The following NEGR1 variants were observed in gnomAD, a reference collection of about 807,000 sequenced individuals.
NEGR1 encodes the protein neuronal growth regulator 1.
In NEGR1, 10 loss-of-function variants were observed where a neutral mutation model predicts 40.9. The observed-to-expected ratio is 0.24, with a 90% confidence interval of 0.15 to 0.42. NEGR1 has a LOEUF of 0.42. Among genes scored for constraint, NEGR1 ranks in the 10% least tolerant of loss-of-function variants. The probability of loss-of-function intolerance (pLI) is 1.00; values close to 1 mark genes in which losing one functional copy is unlikely to be tolerated. For missense variants in NEGR1, 352 were observed against 438.9 expected (o/e 0.80, Z 1.77); for synonymous variants, 185 against 166.8 (o/e 1.11, Z -0.84).
chr1:72,275,040 G>C, intron 1 of NEGR1: 3 of 1,511,718 alleles, frequency 2.0e-6, no homozygotes, highest in Non-Finnish European at 2.8e-6. Flanking sequence ...CAGCTTTGGA[G>C]CTCTTGGAAC....
chr1:71,869,095 C>T (rs1401471199), intron 2 of NEGR1, among the ~76,000 whole-genome samples: 1 of 152,074 alleles, frequency 6.6e-6, no homozygotes, highest in Admixed American at 6.6e-5. Context: ...GCATCTTTTA[C>T]CTGTTTATTT....
intron 6 of NEGR1, among the ~76,000 whole-genome samples, chr1:71,536,507 C>T (rs1460173182): frequency 6.6e-6 from 1 of 151,740 alleles, no homozygotes; most frequent in African/African-American, 2.4e-5. Context: ...AATGCAGATG[C>T]TGGTACCATG....
intron 1 of NEGR1, among the ~76,000 whole-genome samples, chr1:72,195,424 T>C (rs917874021): frequency 6.6e-6 from 1 of 152,044 alleles, no homozygotes; most frequent in African/African-American, 2.4e-5. Flanking sequence ...AAGTCCACGT[T>C]AATTTTAATT....
chr1:71,597,494 G>GTGTGTGTGTGTT (rs1300061685), intron 5 of NEGR1, among the ~76,000 whole-genome samples: 4 of 147,850 alleles, frequency 2.7e-5, no homozygotes, highest in Non-Finnish European at 6.0e-5. Context: ...GTGTGTGTGT[G>GTGTGTGTGTGTT]TGTGTGTGTA....
chr1:71,726,553 T>G (rs957904613), intron 3 of NEGR1, among the ~76,000 whole-genome samples: 14 of 152,074 alleles, frequency 9.2e-5, no homozygotes, highest in African/African-American at 3.1e-4. Context: ...TTTTATGTTG[T>G]TTTTACTATC....
At chr1:71,874,940 G>A (rs748486436) in intron 2 of NEGR1, among the ~76,000 whole-genome samples, 4 of 151,866 alleles carry the variant, frequency 2.6e-5, no homozygotes, top group African/African-American at 7.3e-5. Context: ...AACATCCCAG[G>A]CTCAATCAAT....
chr1:72,120,029 C>T (rs1649737444), intron 1 of NEGR1, among the ~76,000 whole-genome samples: 1 of 151,874 alleles, frequency 6.6e-6, no homozygotes, highest in African/African-American at 2.4e-5. Context: ...GAGGCATAAA[C>T]TGGCAAGGTC....
chr1:72,276,988 G>A (rs1348003262), intron 1 of NEGR1, among the ~76,000 whole-genome samples: 1 of 152,076 alleles, frequency 6.6e-6, no homozygotes, highest in African/African-American at 2.4e-5. Flanking sequence ...GCAGTAAAGA[G>A]AAACACAGGA....
chr1:72,278,877 T>C (rs1021376838), intron 1 of NEGR1, among the ~76,000 whole-genome samples: 1 of 152,150 alleles, frequency 6.6e-6, no homozygotes, highest in Admixed American at 6.5e-5. Flanking sequence ...TATAGCAAAT[T>C]ACAATGTATT....
At chr1:71,490,775 C>A (rs139866604) in intron 6 of NEGR1, among the ~76,000 whole-genome samples, 222 of 152,142 alleles carry the variant, frequency 1.5e-3, no homozygotes, top group Middle Eastern at 3.4e-3. Flanking sequence ...AAGCCCGTAA[C>A]TGCAGAAATC....
chr1:71,527,380 C>T (rs1023349064), intron 6 of NEGR1, among the ~76,000 whole-genome samples: 10 of 143,924 alleles, frequency 6.9e-5, no homozygotes, highest in Non-Finnish European at 1.2e-4. Flanking sequence ...CATCCACCAT[C>T]CATCCATCCA....
chr1:71,556,178 C>T (rs1648245660), intron 6 of NEGR1, among the ~76,000 whole-genome samples: 1 of 151,466 alleles, frequency 6.6e-6, no homozygotes, highest in African/African-American at 2.4e-5. Flanking sequence ...AACTTTAATG[C>T]ACAATAGCAA....
chr1:72,204,404 A>G (rs189560273), intron 1 of NEGR1, among the ~76,000 whole-genome samples: 2 of 152,240 alleles, frequency 1.3e-5, no homozygotes, highest in East Asian at 3.9e-4. Context: ...TTAGAGAGGT[A>G]AGCCATCAGC....
At chr1:72,154,279 C>T (rs920482245) in intron 1 of NEGR1, among the ~76,000 whole-genome samples, 1 of 151,686 alleles carries the variant, frequency 6.6e-6, no homozygotes, top group East Asian at 1.9e-4. Context: ...GTATTTCAAC[C>T]GAATTCACTA....
intron 6 of NEGR1, among the ~76,000 whole-genome samples, chr1:71,586,260 C>A (rs1328425085): frequency 1.3e-5 from 2 of 152,112 alleles, no homozygotes; most frequent in African/African-American, 4.8e-5. Context: ...TCAGTTTCCT[C>A]ACCTATAAAG....
At chr1:72,164,806 A>G (rs1041007974) in intron 1 of NEGR1, among the ~76,000 whole-genome samples, 2 of 152,044 alleles carry the variant, frequency 1.3e-5, no homozygotes, top group African/African-American at 4.8e-5. Flanking sequence ...GGATTTTTAA[A>G]TAATGCAGTG....
At chr1:71,952,753 C>T (rs1646082769) in intron 1 of NEGR1, among the ~76,000 whole-genome samples, 1 of 151,892 alleles carries the variant, frequency 6.6e-6, no homozygotes, top group Non-Finnish European at 1.5e-5. Context: ...GGCTGACTCT[C>T]TTGTTGGGGA....
At chr1:72,108,771 A>G (rs1425529966) in intron 1 of NEGR1, among the ~76,000 whole-genome samples, 2 of 151,666 alleles carry the variant, frequency 1.3e-5, no homozygotes, top group Non-Finnish European at 3.0e-5. Flanking sequence ...TGCAAGAAGA[A>G]CAATGAACCG....
intron 1 of NEGR1, among the ~76,000 whole-genome samples, chr1:72,094,001 C>T (rs1171269400): frequency 6.6e-6 from 1 of 152,088 alleles, no homozygotes; most frequent in African/African-American, 2.4e-5. Context: ...AATAATAAGG[C>T]ATCCAGAAGT....
Sources: allele counts gnomAD v4.1 joint callset (sites outside exome capture counted in the v4.1 genomes callset), GRCh38; gene constraint gnomAD v4.1.1; transcripts MANE v1.5; gene names NCBI Gene and HGNC (gene_info 2026-07-23, HGNC 2026-07-21).